The following BCLAF3 variants were observed in gnomAD, a reference collection of about 807,000 sequenced individuals.
BCLAF3 encodes the protein transient octamer binding factor 1.
BCLAF3 carries 24 observed loss-of-function variants against 51.2 expected under a neutral mutation model. That is an observed-to-expected ratio of 0.47 (90% CI 0.34 to 0.66). The LOEUF (loss-of-function observed/expected upper bound fraction) is 0.66. Ranked by LOEUF, BCLAF3 falls within the 30% of genes least tolerant of loss-of-function variation. The pLI, the probability that BCLAF3 is intolerant of heterozygous loss-of-function variation, is 0.01. For synonymous variants in BCLAF3, 152 were observed against 176.6 expected (o/e 0.86, Z 1.10); for missense variants, 465 against 525.1 (o/e 0.89, Z 1.12).
intron 8 of BCLAF3, among the ~76,000 whole-genome samples, chrX:19,946,150 C>T (rs1391546071): frequency 3.6e-5 from 4 of 111,577 alleles, no homozygotes; most frequent in Non-Finnish European, 7.6e-5. Context: ...GGTGCGCGCA[C>T]CCACTGGCCT....
Position 19,929,809 on chromosome X carries a change from T to C in BCLAF3, c.2082A>G (p.Arg694=), listed in dbSNP as rs1375821678. ...CCTTCTTTTTTCTCATTAATCTTTC[T>C]CTGAACTTATGAGTGATAAATCCCC... The part of the protein sequence containing the change: ...GPRGFITHKF[R]ERLMRKKKEY... Residue 694 remains arginine, a synonymous_variant, in exon 11 of 12, where the codon AGA becomes AGG. Coordinates refer to ENST00000379682, the MANE Select transcript of BCLAF3 (RefSeq NM_001367774.2). 1.7e-6 allele frequency: 2 copies of C among 1,202,559 alleles called. No individual in the cohort carries two copies. The highest frequency in any genetic ancestry group is 3.7e-5 in the South Asian group (2 of 54,777).
intron 1 of BCLAF3, among the ~76,000 whole-genome samples, chrX:19,971,620 A>G (rs946393317): frequency 3.6e-5 from 4 of 112,190 alleles, no homozygotes; most frequent in African/African-American, 1.3e-4. Flanking sequence ...AAGTAGGTAT[A>G]ATCTCCTATA....
chrX:19,939,999 A>G (rs956963865), intron 8 of BCLAF3, among the ~76,000 whole-genome samples: 13 of 112,259 alleles, frequency 1.2e-4, no homozygotes, highest in African/African-American at 2.9e-4. Flanking sequence ...TTCTGGAAGT[A>G]GATAGTGGTG....
At chrX:19,961,439 T>A (rs765698187) in intron 4 of BCLAF3, among the ~76,000 whole-genome samples, 2 of 111,925 alleles carry the variant, frequency 1.8e-5, no homozygotes, top group Non-Finnish European at 3.8e-5. Flanking sequence ...ATACTGACAA[T>A]TGGAAGAACA....
At chrX:19,988,905 C>T (rs976341918) in intron 1 of BCLAF3, among the ~76,000 whole-genome samples, 2 of 111,246 alleles carry the variant, frequency 1.8e-5, no homozygotes, top group Admixed American at 9.5e-5. Flanking sequence ...ATAGTAAAGG[C>T]GCAATAAAAG....
At chrX:19,964,919 G>C in intron 4 of BCLAF3, 125 bp downstream of exon 4, 1 of 570,059 alleles carries the variant, frequency 1.8e-6, no homozygotes. Flanking sequence ...TTTTGGGGGG[G>C]AAAATTCTTG....
intron 8 of BCLAF3, among the ~76,000 whole-genome samples, chrX:19,946,564 T>C (rs746663219): frequency 8.9e-6 from 1 of 111,803 alleles, no homozygotes; most frequent in Non-Finnish European, 1.9e-5. Flanking sequence ...GTGATCCTTT[T>C]AAAATTTAAG....
chrX:19,988,901 A>G (rs1165107118), intron 1 of BCLAF3, among the ~76,000 whole-genome samples: 1 of 111,846 alleles, frequency 8.9e-6, no homozygotes, highest in African/African-American at 3.3e-5. Flanking sequence ...CAAAATAGTA[A>G]AGGCGCAATA....
At chrX:19,974,596 G>C (rs937007149) in intron 1 of BCLAF3, among the ~76,000 whole-genome samples, 1 of 111,622 alleles carries the variant, frequency 9.0e-6, no homozygotes, top group Non-Finnish European at 1.9e-5. Context: ...AATTCAAATG[G>C]GCCAGGCACG....
At chrX:19,945,839 A>G (rs1352321858) in intron 8 of BCLAF3, among the ~76,000 whole-genome samples, 2 of 104,812 alleles carry the variant, frequency 1.9e-5, no homozygotes, top group East Asian at 2.9e-4. Context: ...TTACCTAAGC[A>G]AGCCTGGGCA....
At chrX:19,951,595 C>CAAA (rs58442337) in intron 7 of BCLAF3, among the ~76,000 whole-genome samples, 8 of 38,020 alleles carry the variant, frequency 2.1e-4, no homozygotes, top group African/African-American at 9.4e-4. Flanking sequence ...GACTCTGTCG[C>CAAA]AAAAAAAAAA....
intron 1 of BCLAF3, among the ~76,000 whole-genome samples, chrX:19,978,540 T>C (rs2072505109): frequency 8.9e-6 from 1 of 112,355 alleles, no homozygotes. Context: ...AGTTGCTTCT[T>C]ACAGATGAGC....
At chrX:19,941,199 A>T (rs2071027446) in intron 8 of BCLAF3, among the ~76,000 whole-genome samples, 1 of 108,263 alleles carries the variant, frequency 9.2e-6, no homozygotes, top group African/African-American at 3.5e-5. Flanking sequence ...AGGTTGCGAA[A>T]ACTTTCTCCC....
chrX:19,931,874 C>T (rs1419110042), intron 10 of BCLAF3, among the ~76,000 whole-genome samples: 1 of 111,855 alleles, frequency 8.9e-6, no homozygotes, highest in Non-Finnish European at 1.9e-5. Flanking sequence ...TAGGAGTCTA[C>T]CAAGATCCAG....
Position 19,975,706 on chromosome X carries a change from C to T in BCLAF3, c.-34-5408G>A, listed in dbSNP as rs147634073. On this transcript the variant is annotated intron_variant, in intron 1 of 11. Coordinates refer to ENST00000379682, the MANE Select transcript of BCLAF3 (RefSeq NM_001367774.2). ...GGACTCAATATGTTGCCAGGCTGGT[C>T]TCAAACTCTTAGGCTCAAGCGATCC... Among the ~76,000 whole-genome samples the T allele has an allele frequency of 5.4e-5, 6 of 111,933 alleles. No individual in the cohort carries two copies. The East Asian group carries it at 1.7e-3, about 31-fold the overall frequency.
intron 8 of BCLAF3, among the ~76,000 whole-genome samples, chrX:19,947,459 G>A (rs1186791719): frequency 1.8e-5 from 2 of 111,039 alleles, no homozygotes; most frequent in African/African-American, 6.5e-5. Flanking sequence ...GTAAGAAACG[G>A]GTAAGAAGTG....
chrX:19,952,698 T>G (rs2061891323), intron 7 of BCLAF3, among the ~76,000 whole-genome samples: 1 of 111,815 alleles, frequency 8.9e-6, no homozygotes, highest in South Asian at 3.7e-4. Flanking sequence ...AGCTTTACAG[T>G]GCGGATTTTG....
intron 1 of BCLAF3, among the ~76,000 whole-genome samples, chrX:19,977,993 A>C (rs1396051152): frequency 1.8e-5 from 2 of 110,929 alleles, no homozygotes; most frequent in East Asian, 5.6e-4. Flanking sequence ...GAATATTTTA[A>C]GCCCAATGTT....
At chrX:19,956,909 A>G (rs943926994) in intron 4 of BCLAF3, among the ~76,000 whole-genome samples, 1 of 112,108 alleles carries the variant, frequency 8.9e-6, no homozygotes, top group African/African-American at 3.2e-5. Context: ...GAGTGCACGC[A>G]TGCACATATG....
Sources: gnomAD v4.1 joint callset for allele counts (sites outside exome capture counted in the v4.1 genomes callset) on GRCh38, gnomAD v4.1.1 for gene constraint, MANE v1.5 for transcripts, NCBI Gene and HGNC (gene_info 2026-07-23, HGNC 2026-07-21) for gene names.